The following VWC2 variants were observed in gnomAD, a reference collection of about 807,000 sequenced individuals.
VWC2 encodes the protein brorin.
VWC2 carries 14 observed loss-of-function variants against 29.8 expected under a neutral mutation model. The ratio of observed to expected loss-of-function variants is 0.47; its 90% CI spans 0.31 to 0.74. VWC2 has a LOEUF of 0.74. Among genes scored for constraint, VWC2 ranks in the 30% least tolerant of loss-of-function variants. The pLI is 0.05. For missense variants in VWC2, 457 were observed against 459.8 expected, an observed-to-expected ratio of 0.99 and a Z score of 0.05; for synonymous variants, 213 against 199.0, an observed-to-expected ratio of 1.07 and a Z score of -0.59.
At chr7:49,869,774 G>C (rs1158854783) in intron 3 of VWC2, among the ~76,000 whole-genome samples, 2 of 152,078 alleles carry the variant, frequency 1.3e-5, no homozygotes, top group African/African-American at 4.8e-5. Flanking sequence ...CAAGAGAATT[G>C]GATGTGCACG....
At chr7:49,855,253 A>G (rs561292364) in intron 3 of VWC2, among the ~76,000 whole-genome samples, 1 of 152,192 alleles carries the variant, frequency 6.6e-6, no homozygotes, top group East Asian at 1.9e-4. Context: ...TAAATGGTTG[A>G]GGAAAACACT....
intron 3 of VWC2, among the ~76,000 whole-genome samples, chr7:49,864,005 C>T (rs1790779274): frequency 6.6e-6 from 1 of 151,932 alleles, no homozygotes; most frequent in Non-Finnish European, 1.5e-5. Flanking sequence ...TTGCAAAAAT[C>T]ATATATTGTT....
intron 3 of VWC2, among the ~76,000 whole-genome samples, chr7:49,811,939 C>G (rs1195610188): frequency 2.0e-5 from 3 of 152,104 alleles, no homozygotes; most frequent in South Asian, 2.1e-4. Context: ...TGTTCATTAA[C>G]CAGTGAATGG....
At chr7:49,899,426 A>C (rs569547623) in intron 3 of VWC2, among the ~76,000 whole-genome samples, 2 of 152,054 alleles carry the variant, frequency 1.3e-5, no homozygotes, top group African/African-American at 4.8e-5. Context: ...CATGGAAAGC[A>C]AAACTGTGGA....
intron 3 of VWC2, among the ~76,000 whole-genome samples, chr7:49,881,879 A>T (rs188965412): frequency 6.6e-6 from 1 of 152,068 alleles, no homozygotes; most frequent in Non-Finnish European, 1.5e-5. Context: ...AGATTTTTTA[A>T]TAAAAGAGAC....
chr7:49,775,907 G>C lies in VWC2; in HGVS notation c.472G>C (p.Glu158Gln), dbSNP rs1292216502. 1.3e-6 allele frequency: 2 copies of C among 1,558,336 alleles called. No individual in the cohort carries two copies. The highest frequency in any genetic ancestry group is 1.9e-5 in the Admixed American group (1 of 52,292). The change falls in exon 2 of 4, where the codon GAG (glutamate) becomes CAG (glutamine). Residue 158 changes from glutamate to glutamine, a missense_variant. By Grantham distance (29) the Glu-to-Gln change is conservative. Transcript: ENST00000340652. ...CTACCGTGGCAAGGGCTGCGTGGAC[G>C]AGAGCGGCTTCGTGTACGCGATCGG... ...PDYRGKGCVD[E>Q]SGFVYAIGEK...
intron 3 of VWC2, among the ~76,000 whole-genome samples, chr7:49,862,578 A>C (rs932584567): frequency 6.6e-6 from 1 of 152,046 alleles, no homozygotes; most frequent in African/African-American, 2.4e-5. Flanking sequence ...TTCACCATTG[A>C]GTAAAATGTT....
intron 3 of VWC2, among the ~76,000 whole-genome samples, chr7:49,846,398 G>A (rs1252359309): frequency 3.9e-5 from 6 of 152,222 alleles, no homozygotes; most frequent in East Asian, 1.9e-4. Context: ...ACTACATGCA[G>A]GGCTCCAGCC....
intron 3 of VWC2, among the ~76,000 whole-genome samples, chr7:49,868,491 A>G (rs1791005120): frequency 6.6e-6 from 1 of 152,246 alleles, no homozygotes. Flanking sequence ...TACCTAAATC[A>G]CATAGAATTA....
intron 2 of VWC2, among the ~76,000 whole-genome samples, chr7:49,783,992 T>C (rs1292693558): frequency 6.6e-6 from 1 of 152,212 alleles, no homozygotes; most frequent in African/African-American, 2.4e-5. Context: ...AAAGTGATGA[T>C]GCTTTAAACA....
chr7:49,880,339 C>T (rs1484949221), intron 3 of VWC2, among the ~76,000 whole-genome samples: 1 of 151,776 alleles, frequency 6.6e-6, no homozygotes, highest in African/African-American at 2.4e-5. Context: ...TATGTATTTT[C>T]CTTTAAAATT....
chr7:49,864,705 C>T (rs987906229), intron 3 of VWC2, among the ~76,000 whole-genome samples: 2 of 152,210 alleles, frequency 1.3e-5, no homozygotes, highest in African/African-American at 4.8e-5. Context: ...TAGCTCCAGA[C>T]AGTTTCAAAC....
chr7:49,916,393 C>G lies in VWC2; in HGVS notation c.*4208C>G, dbSNP rs142822445. On this transcript the variant is annotated 3_prime_UTR_variant, in exon 4 of 4. Coordinates refer to ENST00000340652, the MANE Select transcript of VWC2 (RefSeq NM_198570.5). Reference sequence around the variant, plus strand: ...ATCCTGCCCTGAGTGTCCTTTGCAGCATGTTGAGTATTAGCCATTTTCAAT... The same window carrying G: ...ATCCTGCCCTGAGTGTCCTTTGCAGGATGTTGAGTATTAGCCATTTTCAAT... The G allele has an allele frequency of 2.0e-5, 3 of 152,270 alleles. No individual in the cohort carries two copies. Among genetic ancestry groups the G allele is most frequent in the Non-Finnish European group, 4.4e-5 (3 of 68,028 alleles). 9.4% of individuals were successfully genotyped at this position (152,270 alleles called of 1,614,324 possible). A position where few individuals can be genotyped will look rare whatever the true frequency, so the allele number is the denominator to read the frequency against.
At chr7:49,877,481 A>AAAAAAAATACATATATATATATATATAT in intron 3 of VWC2, among the ~76,000 whole-genome samples, 2 of 12,722 alleles carry the variant, frequency 1.6e-4, no homozygotes, top group Admixed American at 1.4e-3. Context: ...AAAAAAAAAA[A>AAAAAAAATACATATATATATATATATAT]ATATATATAT....
At chr7:49,795,817 T>C (rs1788574960) in intron 2 of VWC2, among the ~76,000 whole-genome samples, 1 of 152,224 alleles carries the variant, frequency 6.6e-6, no homozygotes, top group Non-Finnish European at 1.5e-5. Context: ...CCATCATAGA[T>C]GTGACTGAGA....
At chr7:49,842,504 G>T (rs984071104) in intron 3 of VWC2, among the ~76,000 whole-genome samples, 5 of 152,232 alleles carry the variant, frequency 3.3e-5, no homozygotes, top group Middle Eastern at 3.4e-3. Flanking sequence ...CTTGTGTTGA[G>T]AGTTTCACCA....
intron 3 of VWC2, among the ~76,000 whole-genome samples, chr7:49,817,781 T>C (rs1018583696): frequency 6.6e-6 from 1 of 152,218 alleles, no homozygotes; most frequent in South Asian, 2.1e-4. Flanking sequence ...GCAAACTGAA[T>C]TTATCTTTAA....
In VWC2 at chr7:49,918,087, C is replaced by A. The variant is rs1670664018; in HGVS notation, c.*5902C>A. 1 of 152,156 alleles carries A rather than the reference C, an allele frequency of 6.6e-6. No homozygotes were observed. 9.4% of individuals were successfully genotyped at this position (152,156 alleles called of 1,614,324 possible). ...TCTTAAGCAGTCGGTGAATGTATAT[C>A]ATCGGCCAAAAGTTATGCTAGGTTT... is the stretch of plus-strand genomic sequence containing the variant. On this transcript the variant is annotated 3_prime_UTR_variant, in exon 4 of 4. Coordinates refer to ENST00000340652, the MANE Select transcript of VWC2 (RefSeq NM_198570.5).
Position 49,919,988 on chromosome 7 carries a change from T to C in VWC2, c.*7803T>C, listed in dbSNP as rs947319176. On this transcript the variant is annotated 3_prime_UTR_variant, in exon 4 of 4. Coordinates refer to ENST00000340652, the MANE Select transcript of VWC2 (RefSeq NM_198570.5). Reference sequence around the variant, plus strand: ...CTGAAGTGAGATTCAAAATTGTGCCTTCTATTGAAGCCAAGAAAGTAAATG... The same window carrying C: ...CTGAAGTGAGATTCAAAATTGTGCCCTCTATTGAAGCCAAGAAAGTAAATG... 1 of 152,218 alleles carries C rather than the reference T, an allele frequency of 6.6e-6. No individual in the cohort carries two copies. Among genetic ancestry groups the C allele is most frequent in the African/African-American group, 2.4e-5 (1 of 41,458 alleles). The allele number at this position is 152,218 out of a possible 1,614,324, so 9.4% of individuals were successfully genotyped here.
Sources: allele counts gnomAD v4.1 joint callset (sites outside exome capture counted in the v4.1 genomes callset), GRCh38; gene constraint gnomAD v4.1.1; transcripts MANE v1.5; gene names NCBI Gene and HGNC (gene_info 2026-07-23, HGNC 2026-07-21).